PTGFRN: variants seen among roughly 807,000 people sequenced by gnomAD.
PTGFRN encodes the protein prostaglandin F2 receptor inhibitor.
A neutral mutation model predicts 83.2 loss-of-function variants in PTGFRN; 35 were observed. That is an observed-to-expected ratio of 0.42 (90% CI 0.32 to 0.56). The LOEUF (loss-of-function observed/expected upper bound fraction) is 0.56, where lower values mean the gene tolerates loss of function less well. Among genes scored for constraint, PTGFRN ranks in the 20% least tolerant of loss-of-function variants. The pLI, the probability that PTGFRN is intolerant of heterozygous loss-of-function variation, is 0.11. For synonymous variants in PTGFRN, 519 were observed against 498.6 expected, an observed-to-expected ratio of 1.04 and a Z score of -0.55; for missense variants, 1,051 against 1,179.5, an observed-to-expected ratio of 0.89 and a Z score of 1.60.
At chr1:116,922,630 T>C (rs17036528) in intron 1 of PTGFRN, among the ~76,000 whole-genome samples, 3,723 of 152,298 alleles carry the variant, frequency 0.024, 156 homozygotes, top group African/African-American at 0.085. Context: ...AGCACCGAGT[T>C]AGCTCACACC....
At chr1:116,948,101 G>A (rs924142755) in intron 3 of PTGFRN, among the ~76,000 whole-genome samples, 4 of 152,212 alleles carry the variant, frequency 2.6e-5, no homozygotes, top group Admixed American at 6.5e-5. Context: ...GCGCCATGCC[G>A]TTGATGCCAG....
chr1:116,933,235 TC>T (rs1190123742), intron 1 of PTGFRN, among the ~76,000 whole-genome samples: 5 of 151,982 alleles, frequency 3.3e-5, no homozygotes, highest in African/African-American at 9.7e-5. Flanking sequence ...TATTCTACCC[TC>T]CCCCTCCCCC....
At chr1:116,956,955 C>CA (rs148290543) in intron 4 of PTGFRN, among the ~76,000 whole-genome samples, 2,776 of 152,184 alleles carry the variant, frequency 0.018, 90 homozygotes, top group African/African-American at 0.064. Context: ...TAGGAACCCT[C>CA]AGAGTGGAGA....
At chr1:116,910,544 C>T (rs1234191549) in intron 1 of PTGFRN, among the ~76,000 whole-genome samples, 4 of 151,956 alleles carry the variant, frequency 2.6e-5, no homozygotes, top group Non-Finnish European at 5.9e-5. Context: ...CCGTCTTTCC[C>T]CCAGGTCTCC....
At position 116,984,767 on chromosome 1, in the gene PTGFRN, A is replaced by C. The variant is rs778162139; in HGVS notation, c.2255A>C (p.Lys752Thr). 17 of 1,614,136 alleles carry C rather than the reference A, an allele frequency of 1.1e-5. No individual in the cohort carries two copies. In the Admixed American group the frequency reaches 2.8e-4, roughly 27 times the overall value. The change falls in exon 8 of 9, where the codon AAG (lysine) becomes ACG (threonine). Residue 752 changes from lysine (K) to threonine (T), a missense_variant. By Grantham distance (78) the Lys-to-Thr change is moderately conservative (BLOSUM62 -1). This residue lies in a region of PTGFRN where 719 missense variants were observed against 836.6 expected (regional missense o/e 0.86). Transcript: ENST00000393203. The stretch of plus-strand genomic sequence containing the variant: ...GTGCTCCTGTCTTCCCTGGATCGGA[A>C]GGGCATCGTGACCACCTCCCGGAGG... ...APVLLSSLDR[K>T]GIVTTSRRDW...
chr1:116,932,254 G>A (rs2998183), intron 1 of PTGFRN, among the ~76,000 whole-genome samples: 22,354 of 152,106 alleles, frequency 0.15, 2,867 homozygotes, highest in African/African-American at 0.35. Context: ...CTCATGGTTG[G>A]CAATAGCACT....
rs557693993 is a variant in PTGFRN, at chr1:116,979,727, G to A, written c.2168-4953G>A. ...CCTTATACAAAAATTAATTCAAGAT[G>A]GATTAAAGACTTAAATGTTAGACCT... is the stretch of plus-strand genomic sequence containing the variant. On this transcript the variant is annotated intron_variant, in intron 7 of 8. Coordinates refer to ENST00000393203, the MANE Select transcript of PTGFRN (RefSeq NM_020440.4). 3.3e-5 allele frequency among the ~76,000 whole-genome samples: 5 copies of A among 152,130 alleles called. No homozygotes were observed. In the South Asian group the frequency reaches 1.0e-3, roughly 32 times the overall value.
intron 6 of PTGFRN, among the ~76,000 whole-genome samples, chr1:116,971,410 A>C (rs1423399411): frequency 6.6e-6 from 1 of 152,062 alleles, no homozygotes; most frequent in Non-Finnish European, 1.5e-5. Context: ...TTGTATTTAA[A>C]AGTTAAGTAG....
At chr1:116,969,159 A>G (rs12743967) in intron 6 of PTGFRN, among the ~76,000 whole-genome samples, 46,884 of 144,978 alleles carry the variant, frequency 0.32, 7,393 homozygotes, top group East Asian at 0.45. Context: ...TGTTTTTGCT[A>G]TGTCTAAGAA....
rs1479148887 is a variant in PTGFRN at position 116,988,385 on chromosome 1, T to C, written c.*1418T>C. 6.5e-6 allele frequency: 1 copy of C among 152,706 alleles called. No individual in the cohort carries two copies. The highest frequency in any genetic ancestry group is 1.5e-5 in the Non-Finnish European group (1 of 68,100). The allele number at this position is 152,706 out of a possible 1,614,324, so 9.5% of individuals were successfully genotyped here. ...GCTTCTGCTGCTGCTTTAAAAGCTC[T>C]GTCCTTGGAGCCTCCCGCTCCCTGA... On this transcript the variant is annotated 3_prime_UTR_variant, in exon 9 of 9. Transcript: ENST00000393203.
intron 1 of PTGFRN, among the ~76,000 whole-genome samples, chr1:116,927,705 ATT>A (rs1223484896): frequency 1.4e-5 from 2 of 143,210 alleles, no homozygotes; most frequent in Non-Finnish European, 1.5e-5. Context: ...AGCTAATTAA[ATT>A]TTTTTTTTTT....
chr1:116,941,565 T>C lies in PTGFRN; in HGVS notation c.50-150T>C. ...CTGGCTCATTATTTAAGGGTTAGGC[T>C]TAACCTTCTGCATAGATACATTTTC... On this transcript the variant is annotated intron_variant, in intron 1 of 8. Transcript: ENST00000393203. This position sits in a 1 kb window ranked among gnomAD's most constrained non-coding sequence, Gnocchi z 5.0. 1 of 1,136,642 alleles carries C rather than the reference T, an allele frequency of 8.8e-7. No homozygotes were observed. Among genetic ancestry groups the C allele is most frequent in the South Asian group, 1.5e-5 (1 of 65,056 alleles). 70.4% of individuals were successfully genotyped at this position (1,136,642 alleles called of 1,614,324 possible).
intron 4 of PTGFRN, among the ~76,000 whole-genome samples, chr1:116,950,546 TTGTC>T (rs1443966992): frequency 4.6e-5 from 7 of 152,236 alleles, no homozygotes; most frequent in Non-Finnish European, 1.0e-4. Flanking sequence ...ATTTCCTCCT[TTGTC>T]TGATTCTTCT....
intron 1 of PTGFRN, among the ~76,000 whole-genome samples, chr1:116,924,473 A>T (rs1185187926): frequency 6.6e-6 from 1 of 152,170 alleles, no homozygotes; most frequent in Non-Finnish European, 1.5e-5. Flanking sequence ...CATTAGTGCC[A>T]TGTCTGGATT....
chr1:116,976,220 A>G (rs1651152029), intron 7 of PTGFRN, among the ~76,000 whole-genome samples: 1 of 152,220 alleles, frequency 6.6e-6, no homozygotes, highest in Non-Finnish European at 1.5e-5. Flanking sequence ...ATATGGGACT[A>G]TGTGAAAAGA....
chr1:116,973,343 A>C (rs563561854), intron 6 of PTGFRN, among the ~76,000 whole-genome samples: 1 of 152,238 alleles, frequency 6.6e-6, no homozygotes, highest in Non-Finnish European at 1.5e-5. Flanking sequence ...TCTTAAAGGC[A>C]TATCCACCTG....
chr1:116,951,173 C>T (rs368409383), intron 4 of PTGFRN, among the ~76,000 whole-genome samples: 22 of 152,110 alleles, frequency 1.4e-4, no homozygotes, highest in African/African-American at 4.6e-4. Flanking sequence ...CTTTGAAGTA[C>T]GTGTGCATTG....
chr1:116,963,768 C>T (rs1650740568), intron 5 of PTGFRN, among the ~76,000 whole-genome samples: 1 of 148,638 alleles, frequency 6.7e-6, no homozygotes, highest in Non-Finnish European at 1.5e-5. Flanking sequence ...CCACCACATT[C>T]AGCTAATTTT....
At chr1:116,927,796 A>G (rs1352166693) in intron 1 of PTGFRN, among the ~76,000 whole-genome samples, 1 of 152,050 alleles carries the variant, frequency 6.6e-6, no homozygotes, top group Non-Finnish European at 1.5e-5. Flanking sequence ...CAGCCTTCCA[A>G]AGTGCTGGGA....
Sources: allele counts gnomAD v4.1 joint callset (sites outside exome capture counted in the v4.1 genomes callset), GRCh38; gene constraint gnomAD v4.1.1; regional missense constraint gnomAD v4.1.1; non-coding constraint Gnocchi (gnomAD v3.1); transcripts MANE v1.5; gene names NCBI Gene and HGNC (gene_info 2026-07-23, HGNC 2026-07-21).